Variants in MCM3AP observed in about 807,000 individuals in gnomAD.
The protein encoded by MCM3AP is germinal-center associated nuclear protein.
A neutral mutation model predicts 184.1 loss-of-function variants in MCM3AP; 126 were observed. That is an observed-to-expected ratio of 0.68 (90% CI 0.59 to 0.79). The LOEUF is 0.79. Ranked by LOEUF, MCM3AP falls within the 30% of genes least tolerant of loss-of-function variation. The pLI, the probability that MCM3AP is intolerant of heterozygous loss-of-function variation, is 0.00. For missense variants in MCM3AP, 2,496 were observed against 2,479.2 expected, an observed-to-expected ratio of 1.01 and a Z score of -0.14; for synonymous variants, 1,002 against 979.3, an observed-to-expected ratio of 1.02 and a Z score of -0.43.
chr21:46,279,145 G>A (rs1211409732), intron 4 of MCM3AP, among the ~76,000 whole-genome samples: 2 of 151,942 alleles, frequency 1.3e-5, no homozygotes, highest in Admixed American at 6.6e-5. Context: ...AATATTAGCT[G>A]GGCGTGGTGG....
rs769831814 is a variant in MCM3AP, at chr21:46,261,417, C to T, written c.3336-6G>A. The T allele has an allele frequency of 2.1e-5, 34 of 1,613,438 alleles. No individual in the cohort carries two copies. The highest frequency in any genetic ancestry group is 2.7e-5 in the African/African-American group (2 of 74,898). The stretch of plus-strand genomic sequence containing the variant: ...CCATAGCAGCATTAGAAACACTAAA[C>T]GGAGCAAAGGGGATAGCATTCAAAA... On this transcript the variant is annotated splice_polypyrimidine_tract_variant and splice_region_variant and intron_variant, in intron 13 of 27. Transcript: ENST00000291688.
rs1228140009 is a variant in MCM3AP at position 46,237,456 on chromosome 21, G to A, written c.5634-477C>T. 3.9e-5 allele frequency among the ~76,000 whole-genome samples: 2 copies of A among 51,632 alleles called. 1 individual carries two copies. The highest frequency in any genetic ancestry group is 7.9e-5 in the Non-Finnish European group (2 of 25,170). The allele number at this position is 51,632 out of a possible 152,430, so 33.9% of individuals were successfully genotyped here. ...GTCTCGCTCTGTTGGCCAGGCCGGA[G>A]TGCAGTGTTACAATCTTGGCTCACT... On this transcript the variant is annotated intron_variant, in intron 26 of 27. Coordinates refer to ENST00000291688, the MANE Select transcript of MCM3AP (RefSeq NM_003906.5).
chr21:46,273,647 G>A (rs2081216213), intron 6 of MCM3AP, 62 bp from the exon 7 acceptor site: 1 of 1,320,096 alleles, frequency 7.6e-7, no homozygotes, highest in Non-Finnish European at 1.1e-6. Flanking sequence ...GCATAGTTAT[G>A]CCTGAAAATG....
chr21:46,248,874 T>C (rs2080823092), intron 20 of MCM3AP, among the ~76,000 whole-genome samples: 2 of 150,340 alleles, frequency 1.3e-5, no homozygotes, highest in South Asian at 4.2e-4. Context: ...GAAAATAGGA[T>C]AAGAAACTCA....
rs554340025 is a variant in MCM3AP at position 46,279,617 on chromosome 21, T to C, written c.1667+376A>G. Among the ~76,000 whole-genome samples the C allele has an allele frequency of 1.1e-4, 16 of 152,186 alleles. No individual in the cohort carries two copies. The East Asian group carries it at 2.1e-3, about 20-fold the overall frequency. On this transcript the variant is annotated intron_variant, in intron 4 of 27. Transcript: ENST00000291688. ...ACAACTGTGTGATGAGATTCTCCCA[T>C]AGAAAATGCCAAGATGGAAACAAGA...
chr21:46,235,428 T>C lies in MCM3AP; in HGVS notation c.5785-2A>G. On this transcript the variant is annotated splice_acceptor_variant, in intron 27 of 27. Transcript: ENST00000291688. LOFTEE classifies it high-confidence loss of function. ...CAGTTGCTCCCTCATCATGTCACTC[T>C]ATTTGAATAAAAAAGAAACTGAACA... is the stretch of plus-strand genomic sequence containing the variant. 6.2e-7 allele frequency: 1 copy of C among 1,613,826 alleles called. No individual in the cohort carries two copies. Among genetic ancestry groups the C allele is most frequent in the Admixed American group, 1.7e-5 (1 of 60,006 alleles).
Position 46,242,946 on chromosome 21 carries a change from C to G in MCM3AP, c.5297-15G>C. The G allele has an allele frequency of 1.3e-6, 2 of 1,525,152 alleles. No homozygotes were observed. Among genetic ancestry groups the G allele is most frequent in the Non-Finnish European group, 1.8e-6 (2 of 1,134,564 alleles). The allele number at this position is 1,525,152 out of a possible 1,614,324, so 94.5% of individuals were successfully genotyped here. A position where few individuals can be genotyped will look rare whatever the true frequency, so the allele number is the denominator to read the frequency against. ...ACTCAGCGCCTCTGAGAAAACAATA[C>G]AAAAACAGATAAAGAGGCCAGCCTG... On this transcript the variant is annotated splice_polypyrimidine_tract_variant and intron_variant, in intron 24 of 27. Coordinates refer to ENST00000291688, the MANE Select transcript of MCM3AP (RefSeq NM_003906.5).
At chr21:46,257,995 TA>T (rs934044913) in intron 16 of MCM3AP, among the ~76,000 whole-genome samples, 2 of 151,536 alleles carry the variant, frequency 1.3e-5, no homozygotes, top group African/African-American at 4.9e-5. Flanking sequence ...TATGGTACAT[TA>T]TCGCACTGAC....
chr21:46,279,073 G>A (rs2081292066), intron 4 of MCM3AP, among the ~76,000 whole-genome samples: 1 of 151,240 alleles, frequency 6.6e-6, no homozygotes, highest in African/African-American at 2.4e-5. Context: ...TGCATCTCTA[G>A]TCAGGAGTTC....
intron 5 of MCM3AP, among the ~76,000 whole-genome samples, chr21:46,277,016 G>A (rs965093806): frequency 2.6e-5 from 4 of 152,108 alleles, no homozygotes; most frequent in African/African-American, 7.2e-5. Context: ...CTCCCAAAGT[G>A]CTGGGATTAC....
intron 9 of MCM3AP, among the ~76,000 whole-genome samples, chr21:46,268,772 G>A (rs1340397277): frequency 1.3e-5 from 2 of 152,246 alleles, no homozygotes; most frequent in African/African-American, 2.4e-5. Flanking sequence ...GGCCAGGCAA[G>A]GTGGTTCATG....
chr21:46,236,835 G>T lies in MCM3AP; in HGVS notation c.5778C>A (p.Ser1926Arg). 1 of 1,551,310 alleles carries T rather than the reference G, an allele frequency of 6.4e-7. No homozygotes were observed. The highest frequency in any genetic ancestry group is 8.6e-7 in the Non-Finnish European group (1 of 1,156,092). The stretch of plus-strand genomic sequence containing the variant: ...ATGTATACGTTCTTCTCACCTGTGG[G>T]CTAGTAGTTACAGATGTTTTCATCA... Reference protein sequence around the residue: ...EPVMKTSVTTSPQSDMMREQL... With the variant: ...EPVMKTSVTTRPQSDMMREQL... The change falls in exon 27 of 28, where the codon AGC becomes AGA. Residue 1926 changes from serine (S) to arginine (R), a missense_variant. Physicochemically the swap from Ser to Arg is moderately radical, Grantham distance 110. Transcript: ENST00000291688.
chr21:46,254,643 C>T (rs1434377157), intron 18 of MCM3AP, 117 bp from the exon 19 acceptor site: 2 of 1,450,576 alleles, frequency 1.4e-6, no homozygotes, highest in African/African-American at 2.8e-5. Flanking sequence ...AGAGATTGAA[C>T]TGCAAACTAG....
Position 46,272,616 on chromosome 21 carries a change from C to T in MCM3AP, c.2410G>A (p.Ala804Thr). 1.9e-6 allele frequency: 3 copies of T among 1,614,226 alleles called. No homozygotes were observed. Among genetic ancestry groups the T allele is most frequent in the Non-Finnish European group, 2.5e-6 (3 of 1,180,024 alleles). Residue 804 changes from alanine (A) to threonine (T), a missense_variant, in exon 8 of 28, where the codon GCG becomes ACG. Coordinates refer to ENST00000291688, the MANE Select transcript of MCM3AP (RefSeq NM_003906.5). ...RNKGVFCASE[A>T]EFQGYNVLLS... ...AGAACATTGTAGCCCTGGAACTCCG[C>T]TTCGCTGGCACAGAAGACACCCTTG... is the stretch of plus-strand genomic sequence containing the variant.
rs1412637688 is a variant in MCM3AP at position 46,284,900 on chromosome 21, T to C, written c.387A>G (p.Gln129=). Residue 129 remains glutamine, a synonymous_variant, in exon 1 of 28, where the codon CAA becomes CAG. Coordinates refer to ENST00000291688, the MANE Select transcript of MCM3AP (RefSeq NM_003906.5). ...GAFPSTSAFG[Q]EAGEIVNSGF... ...CAGAGTTCACTATTTCTCCAGCTTC[T>C]TGTCCAAAAGCAGAAGTGCTTGGGA... The C allele has an allele frequency of 1.9e-6, 3 of 1,614,262 alleles. No individual in the cohort carries two copies. The highest frequency in any genetic ancestry group is 2.5e-6 in the Non-Finnish European group (3 of 1,180,048).
intron 5 of MCM3AP, among the ~76,000 whole-genome samples, chr21:46,275,981 G>C (rs1035340252): frequency 6.6e-6 from 1 of 152,154 alleles, no homozygotes; most frequent in Non-Finnish European, 1.5e-5. Context: ...GCCCGGCCTG[G>C]TGGCTCACGC....
In MCM3AP at chr21:46,237,870, C is replaced by T. The variant is rs112261315; in HGVS notation, c.5634-891G>A. On this transcript the variant is annotated intron_variant, in intron 26 of 27. Coordinates refer to ENST00000291688, the MANE Select transcript of MCM3AP (RefSeq NM_003906.5). The stretch of plus-strand genomic sequence containing the variant: ...ATCCCAACACTTTGGGAGGCCGAGG[C>T]GGGCAGATCACCTGAGGTCAGGAGT... Among the ~76,000 whole-genome samples the T allele has an allele frequency of 1.5e-4, 17 of 116,100 alleles. 5 individuals are homozygous for T. The highest frequency in any genetic ancestry group is 4.1e-3 in the Middle Eastern group (1 of 242). The allele number at this position is 116,100 out of a possible 152,430, so 76.2% of individuals were successfully genotyped here.
At position 46,280,024 on chromosome 21, in the gene MCM3AP, T is replaced by A; in HGVS notation, c.1636A>T (p.Arg546Trp). The A allele has an allele frequency of 6.2e-7, 1 of 1,613,948 alleles. No homozygotes were observed. The highest frequency in any genetic ancestry group is 8.5e-7 in the Non-Finnish European group (1 of 1,179,950). The change falls in exon 4 of 28, where the codon AGG (arginine) becomes TGG (tryptophan). Residue 546 changes from arginine to tryptophan, a missense_variant. This residue lies in a region of MCM3AP where 800 missense variants were observed against 717.1 expected (regional missense o/e 1.12). Transcript: ENST00000291688. ...QHSPLGKAAG[R>W]TGASSLLNKS... ...TTCAGGAGGCTGCTAGCACCAGTCC[T>A]CCCTGCGGCCTTGCCAAGAGGAGAG...
Position 46,270,508 on chromosome 21 carries a change from C to A in MCM3AP, c.2521G>T (p.Val841Phe). Residue 841 changes from valine to phenylalanine, a missense_variant, in exon 9 of 28, where the codon GTT becomes TTT. Transcript: ENST00000291688. ...CTGTTCAATGCAGCAAAAGCCTGAA[C>A]AGCAAATTTCACCTCAGATGAGTTT... The part of the protein sequence containing the change: ...VRNSSEVKFA[V>F]QAFAALNSNN... 6.2e-7 allele frequency: 1 copy of A among 1,613,738 alleles called. No individual in the cohort carries two copies. The highest frequency in any genetic ancestry group is 8.5e-7 in the Non-Finnish European group (1 of 1,179,814).
Sources: allele counts gnomAD v4.1 joint callset (sites outside exome capture counted in the v4.1 genomes callset), GRCh38; gene constraint gnomAD v4.1.1; regional missense constraint gnomAD v4.1.1; transcripts MANE v1.5; gene names NCBI Gene and HGNC (gene_info 2026-07-23, HGNC 2026-07-21).